MAPK14: variants seen among roughly 807,000 people sequenced by gnomAD.
MAPK14 encodes the protein mitogen-activated protein kinase 14, also known as CSAID-binding protein.
MAPK14 carries 16 observed loss-of-function variants against 49.6 expected under a neutral mutation model. The ratio of observed to expected loss-of-function variants is 0.32; its 90% CI spans 0.22 to 0.49. The LOEUF is 0.49. Ranked by LOEUF, MAPK14 falls within the 20% of genes least tolerant of loss-of-function variation. MAPK14 has a pLI of 0.99. For missense variants in MAPK14, 200 were observed against 441.2 expected (o/e 0.45, Z 4.90); for synonymous variants, 142 against 158.0 (o/e 0.90, Z 0.76).
intron 1 of MAPK14, among the ~76,000 whole-genome samples, chr6:36,031,654 C>T (rs1339337064): frequency 2.0e-5 from 3 of 152,174 alleles, no homozygotes. Flanking sequence ...ATCCACTTGC[C>T]TTGGCCTCCC....
intron 1 of MAPK14, among the ~76,000 whole-genome samples, chr6:36,043,733 C>T (rs1257738723): frequency 5.3e-5 from 8 of 151,412 alleles, no homozygotes; most frequent in Non-Finnish European, 1.0e-4. Flanking sequence ...TTGTATGATC[C>T]GGAGAAGAGG....
At chr6:36,092,412 A>C in intron 8 of MAPK14, 1 of 680,776 alleles carries the variant, frequency 1.5e-6, no homozygotes, top group Admixed American at 1.8e-5. Flanking sequence ...GGACTGTTTC[A>C]CCAGAACGAT....
At chr6:36,039,779 C>T (rs1205479606) in intron 1 of MAPK14, among the ~76,000 whole-genome samples, 2 of 151,958 alleles carry the variant, frequency 1.3e-5, no homozygotes, top group Non-Finnish European at 2.9e-5. Context: ...CCAAGGTGGG[C>T]GGATCACTTG....
chr6:36,042,549 T>TA (rs1170875792), intron 1 of MAPK14, among the ~76,000 whole-genome samples: 2 of 150,226 alleles, frequency 1.3e-5, no homozygotes, highest in African/African-American at 4.9e-5. Flanking sequence ...GAAGTGTAGT[T>TA]ACGCAGTCAA....
chr6:36,114,016 A>G (rs535637045), downstream of MAPK14, among the ~76,000 whole-genome samples: 39 of 152,314 alleles, frequency 2.6e-4, no homozygotes, highest in South Asian at 7.9e-3. Context: ...GGATTTTTCA[A>G]TTTTGGCACT....
At chr6:36,083,477 A>G (rs906505799) in intron 8 of MAPK14, among the ~76,000 whole-genome samples, 2 of 152,192 alleles carry the variant, frequency 1.3e-5, no homozygotes, top group African/African-American at 4.8e-5. Flanking sequence ...GGTTGCTGTC[A>G]TCACTGCAGC....
intron 3 of MAPK14, among the ~76,000 whole-genome samples, chr6:36,062,947 C>T (rs528582633): frequency 1.8e-3 from 281 of 152,210 alleles, no homozygotes; most frequent in African/African-American, 5.8e-3. Context: ...TGTGAGCCAC[C>T]GCGCCTGGCC....
chr6:36,028,141 G>T lies in MAPK14; in HGVS notation c.-17G>T, dbSNP rs2127385011. ...CCCCACAGGGCCACCTTCTTGCCCG[G>T]CGGCTGCCGCTGGAAAATGTCTCAG... On this transcript the variant is annotated 5_prime_UTR_variant, in exon 1 of 12. Transcript: ENST00000229794. The surrounding 1 kb of genome is among the most constrained non-coding windows in gnomAD (Gnocchi z 5.1). The T allele has an allele frequency of 1.9e-6, 3 of 1,595,192 alleles. No individual in the cohort carries two copies. The East Asian group carries it at 6.7e-5, about 36-fold the overall frequency.
In MAPK14 at chr6:36,048,631, G is replaced by A. The variant is rs571108296; in HGVS notation, c.117-4068G>A. On this transcript the variant is annotated intron_variant, in intron 1 of 11. Transcript: ENST00000229794. ...GTGAAAACCATGAGACTTGCCAATAGATTTGAATGAGGACTGAGGAAAGGG... is the reference window on the plus strand; with the variant it reads ...GTGAAAACCATGAGACTTGCCAATAAATTTGAATGAGGACTGAGGAAAGGG... Among the ~76,000 whole-genome samples, 6 of 152,308 alleles carry A rather than the reference G, an allele frequency of 3.9e-5. No individual in the cohort carries two copies. In the East Asian group the frequency reaches 9.6e-4, roughly 24 times the overall value.
At chr6:36,119,593 T>C in the MAPK14 span, among the ~76,000 whole-genome samples, 1 of 152,112 alleles carries the variant, frequency 6.6e-6, no homozygotes, top group African/African-American at 2.4e-5. Context: ...TGAAGACAAA[T>C]GAACTAGAAT....
intron 2 of MAPK14, among the ~76,000 whole-genome samples, chr6:36,057,973 G>C (rs1192527197): frequency 6.6e-6 from 1 of 152,130 alleles, no homozygotes; most frequent in Non-Finnish European, 1.5e-5. Flanking sequence ...TTGTAGAAAT[G>C]AATGGCCTGG....
intron 1 of MAPK14, among the ~76,000 whole-genome samples, chr6:36,033,075 C>T (rs1762604003): frequency 6.6e-6 from 1 of 151,774 alleles, no homozygotes; most frequent in Non-Finnish European, 1.5e-5. Context: ...GACTCCTGAC[C>T]AGTGAGAAGG....
rs199522158 is a variant in MAPK14 at position 36,059,355 on chromosome 6, A to T, written c.305+8A>T. On this transcript the variant is annotated splice_region_variant and intron_variant, in intron 3 of 11. Transcript: ENST00000229794. The stretch of plus-strand genomic sequence containing the variant: ...GGAGGAATTCAATGATGTGTGAGTA[A>T]ATTTTTTGCATTTGCCTTCCTGGTC... The T allele has an allele frequency of 6.9e-5, 111 of 1,607,718 alleles. No homozygotes were observed. The highest frequency in any genetic ancestry group is 9.2e-5 in the Non-Finnish European group (108 of 1,174,550).
At chr6:36,086,751 C>A (rs1000473084) in intron 8 of MAPK14, among the ~76,000 whole-genome samples, 7 of 152,284 alleles carry the variant, frequency 4.6e-5, no homozygotes, top group Middle Eastern at 3.4e-3. Flanking sequence ...TGAAACTATT[C>A]CAAACATACA....
intron 6 of MAPK14, among the ~76,000 whole-genome samples, chr6:36,075,386 T>G (rs1326427236): frequency 6.6e-6 from 1 of 152,174 alleles, no homozygotes; most frequent in Non-Finnish European, 1.5e-5. Context: ...TCATATAGTG[T>G]GTATTTTTGT....
Position 36,102,668 on chromosome 6 carries a change from C to A in MAPK14, c.841+19C>A. The A allele has an allele frequency of 6.2e-7, 1 of 1,612,450 alleles. No homozygotes were observed. Among genetic ancestry groups the A allele is most frequent in the South Asian group, 1.1e-5 (1 of 90,938 alleles). On this transcript the variant is annotated intron_variant, in intron 10 of 11. Transcript: ENST00000229794. ...CCCCTGGGTAAGTTGACCATATATC[C>A]TCACCTCATGGATATTGAATTGGTT...
At chr6:36,071,578 C>G (rs550781833) in intron 3 of MAPK14, among the ~76,000 whole-genome samples, 1 of 152,268 alleles carries the variant, frequency 6.6e-6, no homozygotes, top group South Asian at 2.1e-4. Flanking sequence ...GTTCCTCCTT[C>G]CTTTAAGGTA....
intron 8 of MAPK14, among the ~76,000 whole-genome samples, chr6:36,081,758 C>T (rs1242083048): frequency 6.6e-6 from 1 of 151,978 alleles, no homozygotes; most frequent in Admixed American, 6.6e-5. Flanking sequence ...TAACAATTGG[C>T]ATTTCTATTT....
intron 8 of MAPK14, chr6:36,092,321 G>A (rs1179093009): frequency 1.6e-6 from 1 of 611,644 alleles, no homozygotes; most frequent in Non-Finnish European, 3.2e-6. Context: ...AGCTCCCAAA[G>A]AGCAGCTGCT....
Sources: gnomAD v4.1 joint callset for allele counts (sites outside exome capture counted in the v4.1 genomes callset) on GRCh38, gnomAD v4.1.1 for gene constraint, Gnocchi (gnomAD v3.1) non-coding constraint, MANE v1.5 for transcripts, NCBI Gene and HGNC (gene_info 2026-07-23, HGNC 2026-07-21) for gene names.